The following RASGRP4 variants were observed in gnomAD, a reference collection of about 807,000 sequenced individuals.
RASGRP4 encodes the protein RAS guanyl releasing protein 4.
RASGRP4 carries 52 observed loss-of-function variants against 84.4 expected under a neutral mutation model. The observed-to-expected ratio is 0.62, with a 90% CI of 0.49 to 0.78. RASGRP4 has a LOEUF of 0.78. RASGRP4 is among the 30% of genes least tolerant of loss of function. RASGRP4 has a pLI of 0.00. For synonymous variants in RASGRP4, 356 were observed against 359.1 expected (o/e 0.99, Z 0.10); for missense variants, 760 against 886.9 (o/e 0.86, Z 1.82).
intron 1 of RASGRP4, among the ~76,000 whole-genome samples, chr19:38,423,358 G>T (rs6508795): frequency 0.44 from 65,813 of 150,112 alleles, 15,373 homozygotes; most frequent in African/African-American, 0.6. Context: ...AACCCCCATC[G>T]CTACTAAAAA....
chr19:38,415,825 G>A (rs538993700), intron 8 of RASGRP4, among the ~76,000 whole-genome samples: 33 of 150,108 alleles, frequency 2.2e-4, no homozygotes, highest in South Asian at 1.1e-3. Context: ...TTGAGAGGCC[G>A]AGGCAGGCGG....
Position 38,414,874 on chromosome 19 carries a change from T to C in RASGRP4, c.1204A>G (p.Asn402Asp). ...GTGAGCAGGTGCAGCAGATCCTCAT[T>C]GGCGCTGCAGGGTGGATGCTGCCCT... The part of the protein sequence containing the change: ...LQGQHPPCSA[N>D]EDLLHLLTLS... Residue 402 changes from asparagine (N) to aspartate (D), a missense_variant, in exon 9 of 17, where the codon AAT (asparagine) becomes GAT (aspartate). Physicochemically the swap from Asn to Asp is conservative, Grantham distance 23. Coordinates refer to ENST00000615439, the MANE Select transcript of RASGRP4 (RefSeq NM_170604.3). 6.2e-7 allele frequency: 1 copy of C among 1,600,838 alleles called. No individual in the cohort carries two copies. The highest frequency in any genetic ancestry group is 8.5e-7 in the Non-Finnish European group (1 of 1,174,196).
Position 38,421,717 on chromosome 19 carries a change from A to AAAAAG in RASGRP4, c.208+247_208+251dup, listed in dbSNP as rs200114965. 6.9e-3 allele frequency among the ~76,000 whole-genome samples: 1,034 copies of AAAAAG among 150,946 alleles called. 18 individuals carry two copies. The highest frequency in any genetic ancestry group is 0.024 in the African/African-American group (1,004 of 41,172). On this transcript the variant is annotated intron_variant, in intron 2 of 16. Transcript: ENST00000615439. ...ACAGAGCGAGACTCTGTCTCAAAAGAAAAAGAAAAGAAAAGAAAAAAGATT... is the reference window on the plus strand; with the variant it reads ...ACAGAGCGAGACTCTGTCTCAAAAGAAAAAGAAAAGAAAAGAAAAGAAAAAAGATT...
chr19:38,418,401 T>A lies in RASGRP4; in HGVS notation c.827A>T (p.His276Leu). 6.2e-7 allele frequency: 1 copy of A among 1,605,914 alleles called. No individual in the cohort carries two copies. The highest frequency in any genetic ancestry group is 8.5e-7 in the Non-Finnish European group (1 of 1,176,760). The part of the protein sequence containing the change: ...QRAQVLDKFI[H>L]VAQRLHQLQN... ...AGGGGCGGGCCTCACCTGTGCCACG[T>A]GAATGAACTTGTCCAGCACCTGTGC... Residue 276 changes from histidine to leucine, a missense_variant, in exon 7 of 17, where the codon CAC (histidine) becomes CTC (leucine). Transcript: ENST00000615439. This position sits in a 1 kb window ranked among gnomAD's most constrained non-coding sequence, Gnocchi z 4.6.
intron 13 of RASGRP4, chr19:38,411,745 C>A (rs1477288159): frequency 5.4e-6 from 1 of 184,310 alleles, no homozygotes; most frequent in Non-Finnish European, 1.1e-5. Context: ...TAGATAATCA[C>A]CTCAGATATT....
intron 1 of RASGRP4, among the ~76,000 whole-genome samples, chr19:38,422,392 C>T (rs947664720): frequency 2.0e-5 from 3 of 152,188 alleles, no homozygotes; most frequent in African/African-American, 4.8e-5. Context: ...CTGCTCCCTT[C>T]AGGGAATCAG....
Position 38,409,190 on chromosome 19 carries a change from C to T in RASGRP4, c.*850G>A. 1 of 253,132 alleles carries T rather than the reference C, an allele frequency of 4.0e-6. No homozygotes were observed. The highest frequency in any genetic ancestry group is 1.3e-3 in the Middle Eastern group (1 of 772). The allele number at this position is 253,132 out of a possible 1,614,324, so 15.7% of individuals were successfully genotyped here. ...GACTGAATGGGCCCCTGCTGCTCGA[C>T]CCTCAAAGTTCTTTGCCCTATAGCA... On this transcript the variant is annotated 3_prime_UTR_variant, in exon 17 of 17. Coordinates refer to ENST00000615439, the MANE Select transcript of RASGRP4 (RefSeq NM_170604.3).
At chr19:38,425,467 G>A (rs1294387207) in intron 1 of RASGRP4, among the ~76,000 whole-genome samples, 1 of 152,186 alleles carries the variant, frequency 6.6e-6, no homozygotes, top group African/African-American at 2.4e-5. Context: ...GGGTGGGGAG[G>A]AAAGCCCTTT....
At position 38,418,441 on chromosome 19, in the gene RASGRP4, C is replaced by A; in HGVS notation, c.787G>T (p.Gly263Trp). The change falls in exon 7 of 17, where the codon GGG becomes TGG. Residue 263 changes from glycine to tryptophan, a missense_variant. By Grantham distance (184) the Gly-to-Trp change is radical (BLOSUM62 -2). Coordinates refer to ENST00000615439, the MANE Select transcript of RASGRP4 (RefSeq NM_170604.3). The surrounding 1 kb of genome is among the most constrained non-coding windows in gnomAD (Gnocchi z 4.6). ...WVQVMVLSRP[G>W]PLQRAQVLDK... The stretch of plus-strand genomic sequence containing the variant: ...AGCACCTGTGCACGCTGTAGGGGCC[C>A]GGGACGGCTCAGCACCATCACCTGC... 6.2e-7 allele frequency: 1 copy of A among 1,603,192 alleles called. No homozygotes were observed. Among genetic ancestry groups the A allele is most frequent in the South Asian group, 1.1e-5 (1 of 89,028 alleles).
intron 9 of RASGRP4, among the ~76,000 whole-genome samples, chr19:38,414,144 G>A (rs184073305): frequency 2.6e-4 from 40 of 151,962 alleles, no homozygotes; most frequent in African/African-American, 4.8e-4. Flanking sequence ...TGCCTAGGCT[G>A]GTCTCAAACT....
chr19:38,425,276 G>A (rs1356187136), intron 1 of RASGRP4, among the ~76,000 whole-genome samples: 3 of 151,916 alleles, frequency 2.0e-5, no homozygotes, highest in Non-Finnish European at 2.9e-5. Context: ...TCTGAGGCTC[G>A]CTCCAGTTTG....
intron 1 of RASGRP4, 125 bp from the exon 2 acceptor site, chr19:38,422,278 A>G: frequency 1.3e-6 from 1 of 795,192 alleles, no homozygotes; most frequent in Non-Finnish European, 1.9e-6. Context: ...CCCCAGGGTT[A>G]CCCCTGACCT....
Position 38,413,589 on chromosome 19 carries a change from G to T in RASGRP4, c.1231-115C>A. The stretch of plus-strand genomic sequence containing the variant: ...CCTGGGTTCAAATCCTGGCATTACT[G>T]CTGTGGGACAGTGGGCAAGGGACCT... On this transcript the variant is annotated intron_variant, in intron 9 of 16. Coordinates refer to ENST00000615439, the MANE Select transcript of RASGRP4 (RefSeq NM_170604.3). This position sits in a 1 kb window ranked among gnomAD's most constrained non-coding sequence, Gnocchi z 4.7. 1.2e-6 allele frequency: 1 copy of T among 853,798 alleles called. No homozygotes were observed. The highest frequency in any genetic ancestry group is 1.9e-6 in the Non-Finnish European group (1 of 531,508). The allele number at this position is 853,798 out of a possible 1,614,324, so 52.9% of individuals were successfully genotyped here.
chr19:38,409,064 G>T lies in RASGRP4; in HGVS notation c.*976C>A. The T allele has an allele frequency of 1.1e-5, 5 of 461,456 alleles. 1 individual carries two copies. Among genetic ancestry groups the T allele is most frequent in the South Asian group, 7.8e-5 (2 of 25,620 alleles). The allele number at this position is 461,456 out of a possible 1,614,324, so 28.6% of individuals were successfully genotyped here. A position where few individuals can be genotyped will look rare whatever the true frequency, so the allele number is the denominator to read the frequency against. On this transcript the variant is annotated 3_prime_UTR_variant, in exon 17 of 17. Transcript: ENST00000615439. Reference sequence around the variant, plus strand: ...AATACCAAGAACCATGTTCTCCAGAGAATAAATTTAATTTATGACAGCTGT... The same window carrying T: ...AATACCAAGAACCATGTTCTCCAGATAATAAATTTAATTTATGACAGCTGT...
Position 38,414,856 on chromosome 19 carries a change from G to A in RASGRP4, c.1222C>T (p.Leu408=). Reference sequence around the variant, plus strand: ...GGGCCAGGGGGGCTCACCGTGAGCAGGTGCAGCAGATCCTCATTGGCGCTG... The same window carrying A: ...GGGCCAGGGGGGCTCACCGTGAGCAAGTGCAGCAGATCCTCATTGGCGCTG... ...PCSANEDLLH[L]LTLSLDLFYT... Residue 408 remains leucine, a synonymous_variant, in exon 9 of 17, where the codon CTG becomes TTG. Transcript: ENST00000615439. The A allele has an allele frequency of 6.3e-7, 1 of 1,593,168 alleles. No individual in the cohort carries two copies. Among genetic ancestry groups the A allele is most frequent in the Non-Finnish European group, 8.5e-7 (1 of 1,170,044 alleles).
At chr19:38,425,196 C>CA (rs537638920) in intron 1 of RASGRP4, among the ~76,000 whole-genome samples, 6,130 of 130,270 alleles carry the variant, frequency 0.047, 223 homozygotes, top group African/African-American at 0.11. Flanking sequence ...AAAAAAAAAA[C>CA]AAAAAAAAAA....
Position 38,410,032 on chromosome 19 carries a change from A to G in RASGRP4, c.*8T>C, listed in dbSNP as rs755920174. On this transcript the variant is annotated 3_prime_UTR_variant, in exon 17 of 17. Coordinates refer to ENST00000615439, the MANE Select transcript of RASGRP4 (RefSeq NM_170604.3). The stretch of plus-strand genomic sequence containing the variant: ...AGGGAGTGAGGAAGAGAGGAGACCA[A>G]GAGATGTCTAGGAATCCAGCTTGGA... 19 of 1,609,634 alleles carry G rather than the reference A, an allele frequency of 1.2e-5. No individual in the cohort carries two copies. The East Asian group carries it at 3.8e-4, about 32-fold the overall frequency.
chr19:38,413,307 G>A lies in RASGRP4; in HGVS notation c.1312-10C>T. The A allele has an allele frequency of 6.2e-7, 1 of 1,611,260 alleles. No individual in the cohort carries two copies. Among genetic ancestry groups the A allele is most frequent in the Non-Finnish European group, 8.5e-7 (1 of 1,177,698 alleles). ...TGAAGGGGGAGGGTGGCTGGGGCGGGGACAGAGGAGCACAGTTAGTCACTG... is the reference window on the plus strand; with the variant it reads ...TGAAGGGGGAGGGTGGCTGGGGCGGAGACAGAGGAGCACAGTTAGTCACTG... On this transcript the variant is annotated splice_polypyrimidine_tract_variant and intron_variant, in intron 10 of 16. Transcript: ENST00000615439. This position sits in a 1 kb window ranked among gnomAD's most constrained non-coding sequence, Gnocchi z 4.7.
At chr19:38,419,722 A>T in intron 6 of RASGRP4, 138 bp downstream of exon 6, 2 of 893,074 alleles carry the variant, frequency 2.2e-6, no homozygotes, top group Non-Finnish European at 3.4e-6. Context: ...CTTCTAGCAT[A>T]CAGGTTTGAG....
Sources: allele counts gnomAD v4.1 joint callset (sites outside exome capture counted in the v4.1 genomes callset), GRCh38; gene constraint gnomAD v4.1.1; non-coding constraint Gnocchi (gnomAD v3.1); transcripts MANE v1.5; gene names NCBI Gene and HGNC (gene_info 2026-07-23, HGNC 2026-07-21).